Variants in CUBN observed in about 807,000 individuals in gnomAD.
CUBN encodes the protein 460 kDa receptor.
A neutral mutation model predicts 405.3 loss-of-function variants in CUBN; 282 were observed. That is an observed-to-expected ratio of 0.70 (90% CI 0.63 to 0.77). CUBN has a LOEUF of 0.77. Ranked by LOEUF, CUBN falls within the 30% of genes least tolerant of loss-of-function variation. The pLI, the probability that CUBN is intolerant of heterozygous loss-of-function variation, is 0.00. For synonymous variants in CUBN, 1,684 were observed against 1,617.0 expected (o/e 1.04, Z -0.99); for missense variants, 4,514 against 4,475.2 (o/e 1.01, Z -0.25).
At chr10:17,057,897 C>A (rs1482928525) in intron 22 of CUBN, among the ~76,000 whole-genome samples, 1 of 151,926 alleles carries the variant, frequency 6.6e-6, no homozygotes, top group African/African-American at 2.4e-5. Flanking sequence ...CCAATTTGGG[C>A]AGATCAAGAA....
At chr10:16,949,450 T>TGTGTGTGTGTGC (rs1842868528) in intron 34 of CUBN, among the ~76,000 whole-genome samples, 1 of 131,036 alleles carries the variant, frequency 7.6e-6, no homozygotes, top group African/African-American at 3.1e-5. Flanking sequence ...TGTGTGTGTG[T>TGTGTGTGTGTGC]GTGTGTGTGT....
chr10:17,045,231 T>C (rs1252550717), intron 24 of CUBN, 43 bp from the exon 25 acceptor site: 1 of 1,588,714 alleles, frequency 6.3e-7, no homozygotes, highest in Non-Finnish European at 8.6e-7. Context: ...CCTTTCCTTC[T>C]GGGGAAATTG....
At chr10:17,124,238 C>T (rs1380166678) in intron 4 of CUBN, among the ~76,000 whole-genome samples, 1 of 152,100 alleles carries the variant, frequency 6.6e-6, no homozygotes, top group Non-Finnish European at 1.5e-5. Context: ...ATATCTTTCA[C>T]CCTGGTGCTC....
chr10:16,972,915 T>G (rs1279561118), intron 31 of CUBN, among the ~76,000 whole-genome samples: 1 of 152,140 alleles, frequency 6.6e-6, no homozygotes, highest in African/African-American at 2.4e-5. Flanking sequence ...CCAAGCTTTT[T>G]CCATTGCTTC....
Position 17,053,768 on chromosome 10 carries a change from A to G in CUBN, c.3140-6165T>C, listed in dbSNP as rs114505747. ...TACACTTAATAACTGCAGACAACAC[A>G]GTTTTTCAAGCATACATGAAACATT... On this transcript the variant is annotated intron_variant, in intron 22 of 66. Transcript: ENST00000377833. 6.7e-3 allele frequency among the ~76,000 whole-genome samples: 1,019 copies of G among 152,248 alleles called. 13 individuals carry two copies. Among genetic ancestry groups the G allele is most frequent in the African/African-American group, 0.024 (978 of 41,566 alleles).
intron 17 of CUBN, among the ~76,000 whole-genome samples, chr10:17,084,061 C>T (rs1345732026): frequency 6.6e-6 from 1 of 152,158 alleles, no homozygotes; most frequent in African/African-American, 2.4e-5. Flanking sequence ...ATTAATTATT[C>T]TAGATAATAA....
chr10:16,824,393 A>C lies in CUBN; in HGVS notation c.*582T>G, dbSNP rs1363985685. 6.4e-6 allele frequency: 1 copy of C among 156,392 alleles called. No individual in the cohort carries two copies. The highest frequency in any genetic ancestry group is 1.4e-5 in the Non-Finnish European group (1 of 70,542). 9.7% of individuals were successfully genotyped at this position (156,392 alleles called of 1,614,324 possible). A position where few individuals can be genotyped will look rare whatever the true frequency, so the allele number is the denominator to read the frequency against. On this transcript the variant is annotated 3_prime_UTR_variant, in exon 67 of 67. Coordinates refer to ENST00000377833, the MANE Select transcript of CUBN (RefSeq NM_001081.4). The stretch of plus-strand genomic sequence containing the variant: ...TAAAAATGTATGTCACATATGCCAT[A>C]ATCATTTCCAACTCTTTCAAAGTTT...
intron 27 of CUBN, among the ~76,000 whole-genome samples, chr10:17,026,714 G>A (rs1325501311): frequency 6.6e-6 from 1 of 152,182 alleles, no homozygotes; most frequent in African/African-American, 2.4e-5. Context: ...GCCCAAGGGG[G>A]CAAATGCAAA....
Position 17,023,016 on chromosome 10 carries a change from A to T in CUBN, c.4018-3033T>A, listed in dbSNP as rs531404884. On this transcript the variant is annotated intron_variant, in intron 27 of 66. Coordinates refer to ENST00000377833, the MANE Select transcript of CUBN (RefSeq NM_001081.4). The stretch of plus-strand genomic sequence containing the variant: ...CGGAATTATATTTCAATCCTGCACA[A>T]GGTCATGAACAGCATAGCATTTTTG... Among the ~76,000 whole-genome samples, 3 of 152,352 alleles carry T rather than the reference A, an allele frequency of 2.0e-5. No individual in the cohort carries two copies. The South Asian group carries it at 6.2e-4, about 32-fold the overall frequency.
At chr10:17,020,424 GACA>G (rs1387534016) in intron 27 of CUBN, among the ~76,000 whole-genome samples, 1 of 152,146 alleles carries the variant, frequency 6.6e-6, no homozygotes, top group Non-Finnish European at 1.5e-5. Context: ...GAGATACTTT[GACA>G]CAGGCATGCA....
chr10:16,863,139 G>A (rs1014208258), intron 59 of CUBN, among the ~76,000 whole-genome samples: 3 of 152,122 alleles, frequency 2.0e-5, no homozygotes, highest in South Asian at 2.1e-4. Flanking sequence ...TCTTTATCCC[G>A]TTCCCACATT....
rs1163613972 is a variant in CUBN at position 16,942,792 on chromosome 10, GGGAAGGGAAGGGAAAA to G, written c.5343-2571_5343-2556del. On this transcript the variant is annotated intron_variant, in intron 36 of 66. Coordinates refer to ENST00000377833, the MANE Select transcript of CUBN (RefSeq NM_001081.4). ...GGGAAAGGGTAAAGGAAAAAGGGAAGGGAAGGGAAGGGAAAAGGAAGGGAAGGGAAGGGAAAAGGAA... is the reference window on the plus strand; with the variant it reads ...GGGAAAGGGTAAAGGAAAAAGGGAAGGGAAGGGAAGGGAAGGGAAAAGGAA... Among the ~76,000 whole-genome samples, 163 of 146,948 alleles carry G rather than the reference GGGAAGGGAAGGGAAAA, an allele frequency of 1.1e-3. 1 individual carries two copies. Among genetic ancestry groups the G allele is most frequent in the Middle Eastern group, 3.6e-3 (1 of 280 alleles).
In CUBN at chr10:16,912,575, G is replaced by A. The variant is rs550252515; in HGVS notation, c.7533+1236C>T. ...TAATATAAGGTACTTAGACCTTATG[G>A]ATTAAAAGGCATTCGAGCAGAGACC... On this transcript the variant is annotated intron_variant, in intron 48 of 66. Coordinates refer to ENST00000377833, the MANE Select transcript of CUBN (RefSeq NM_001081.4). Among the ~76,000 whole-genome samples, 11 of 152,322 alleles carry A rather than the reference G, an allele frequency of 7.2e-5. No individual in the cohort carries two copies. In the South Asian group the frequency reaches 2.3e-3, roughly 32 times the overall value.
chr10:17,019,791 A>T, intron 28 of CUBN, 42 bp downstream of exon 28: 1 of 1,613,760 alleles, frequency 6.2e-7, no homozygotes, highest in African/African-American at 1.3e-5. Context: ...TTCTTGGCCA[A>T]ATAGCAACTG....
rs1018512174 is a variant in CUBN, at chr10:17,109,511, T to C, written c.1111+129A>G. Reference sequence around the variant, plus strand: ...AAGCCAAATGTGTAGTTTTATGGCATGGATTAATTTTAGGTTTGAAGGTCA... The same window carrying C: ...AAGCCAAATGTGTAGTTTTATGGCACGGATTAATTTTAGGTTTGAAGGTCA... On this transcript the variant is annotated intron_variant, in intron 10 of 66. Transcript: ENST00000377833. 2.6e-5 allele frequency: 19 copies of C among 743,180 alleles called. No individual in the cohort carries two copies. In the Admixed American group the frequency reaches 3.6e-4, roughly 14 times the overall value. The allele number at this position is 743,180 out of a possible 1,614,324, so 46.0% of individuals were successfully genotyped here.
At chr10:16,983,438 A>G (rs1564461436) in intron 30 of CUBN, among the ~76,000 whole-genome samples, 2 of 152,224 alleles carry the variant, frequency 1.3e-5, no homozygotes, top group African/African-American at 2.4e-5. Flanking sequence ...TGGGCAAGAC[A>G]CTAACCTTTC....
chr10:16,844,284 A>AT, intron 60 of CUBN, among the ~76,000 whole-genome samples: 1 of 151,306 alleles, frequency 6.6e-6, no homozygotes. Context: ...AAAAAAAAAA[A>AT]AGACCTTCCA....
chr10:16,864,670 TTTTTTAGATGGATTTTTTTGCTCTTG>T (rs1323488889), intron 59 of CUBN, among the ~76,000 whole-genome samples: 1 of 142,768 alleles, frequency 7.0e-6, no homozygotes, highest in Non-Finnish European at 1.5e-5. Flanking sequence ...TTTTTTTTTT[TTTTTTAGATGGATTTTTTTGCTCTTG>T]TTCCTCAGGC....
chr10:16,899,688 A>C (rs1398374222), intron 53 of CUBN, among the ~76,000 whole-genome samples: 1 of 152,234 alleles, frequency 6.6e-6, no homozygotes, highest in Non-Finnish European at 1.5e-5. Context: ...GATCAAAATT[A>C]ATTATGTAGA....
Sources: gnomAD v4.1 joint callset for allele counts (sites outside exome capture counted in the v4.1 genomes callset) on GRCh38, gnomAD v4.1.1 for gene constraint, MANE v1.5 for transcripts, NCBI Gene and HGNC (gene_info 2026-07-23, HGNC 2026-07-21) for gene names.